The following LEPROT variants were observed in gnomAD, a reference collection of about 807,000 sequenced individuals.
The protein encoded by LEPROT is leptin receptor gene-related protein.
Under a neutral mutation model 15.4 loss-of-function variants are expected in LEPROT, and 3 were observed. That is an observed-to-expected ratio of 0.19 (90% CI 0.09 to 0.50). The LOEUF is 0.50. Among genes scored for constraint, LEPROT ranks in the 20% least tolerant of loss-of-function variants. The pLI, the probability that LEPROT is intolerant of heterozygous loss-of-function variation, is 0.97. For missense variants in LEPROT, 137 were observed against 162.2 expected (o/e 0.84, Z 0.84); for synonymous variants, 59 against 57.5 (o/e 1.03, Z -0.12).
At position 65,434,893 on chromosome 1, in the gene LEPROT, AG is replaced by A; in HGVS notation, c.*2975del. 8.1e-6 allele frequency: 8 copies of A among 985,494 alleles called. No individual in the cohort carries two copies. Among genetic ancestry groups the A allele is most frequent in the Non-Finnish European group, 9.6e-6 (8 of 829,930 alleles). 61.0% of individuals were successfully genotyped at this position (985,494 alleles called of 1,614,324 possible). ...TGATGTCATGTGGTGCTGAGAAGAA[AG>A]CAGATCACACTTCATCACAGAAAGA... On this transcript the variant is annotated 3_prime_UTR_variant, in exon 4 of 4. Transcript: ENST00000371065.
At chr1:65,423,300 AAG>A (rs1164870118) in intron 1 of LEPROT, among the ~76,000 whole-genome samples, 1 of 152,202 alleles carries the variant, frequency 6.6e-6, no homozygotes, top group African/African-American at 2.4e-5. Flanking sequence ...GTGGAGTGAA[AAG>A]AGAGATGGGG....
intron 2 of LEPROT, chr1:65,427,803 AT>A (rs772450093): frequency 5.8e-5 from 24 of 415,948 alleles, no homozygotes; most frequent in Middle Eastern, 4.4e-4. Context: ...CACCCAGCTG[AT>A]TTTTTTTAGA....
At chr1:65,421,387 C>A (rs1189921341) in intron 1 of LEPROT, 2 of 1,535,946 alleles carry the variant, frequency 1.3e-6, no homozygotes, top group Non-Finnish European at 1.7e-6. Context: ...GTAAAAACAC[C>A]GCGTCCCTTA....
chr1:65,422,970 C>A (rs1449264652), intron 1 of LEPROT, among the ~76,000 whole-genome samples: 1 of 152,174 alleles, frequency 6.6e-6, no homozygotes, highest in African/African-American at 2.4e-5. Context: ...GGGCCTGCAC[C>A]AGGGCTGTAG....
At chr1:65,425,453 C>G in intron 2 of LEPROT, 75 bp downstream of exon 2, 1 of 1,314,452 alleles carries the variant, frequency 7.6e-7, no homozygotes, top group Non-Finnish European at 1.0e-6. Flanking sequence ...TTAGAGAGTT[C>G]GGTCAATTTA....
At chr1:65,428,831 A>AT (rs967388915) in intron 2 of LEPROT, among the ~76,000 whole-genome samples, 21 of 150,102 alleles carry the variant, frequency 1.4e-4, no homozygotes, top group African/African-American at 2.9e-4. Context: ...CCAGATGGCA[A>AT]TTTTTTTTTT....
Position 65,434,098 on chromosome 1 carries a change from C to G in LEPROT, c.*2179C>G. 1.0e-6 allele frequency: 1 copy of G among 984,878 alleles called. No homozygotes were observed. Among genetic ancestry groups the G allele is most frequent in the Non-Finnish European group, 1.2e-6 (1 of 829,484 alleles). 61.0% of individuals were successfully genotyped at this position (984,878 alleles called of 1,614,324 possible). On this transcript the variant is annotated 3_prime_UTR_variant, in exon 4 of 4. Transcript: ENST00000371065. ...CATATGTAGCCTTAAAGCATTACCT[C>G]TTGATTGTATCTTTAGATTGATATA...
intron 3 of LEPROT, among the ~76,000 whole-genome samples, chr1:65,431,001 G>A (rs1414261441): frequency 6.6e-6 from 1 of 152,138 alleles, no homozygotes; most frequent in Non-Finnish European, 1.5e-5. Flanking sequence ...ATCCAGTGTG[G>A]TAGAGCTAAA....
Position 65,432,642 on chromosome 1 carries a change from G to A in LEPROT, c.*723G>A. ...TGTTCAAGCCTATAATATTTAGGCA[G>A]TTCCTCAAATTTATGAAAAGTGTTC... On this transcript the variant is annotated 3_prime_UTR_variant, in exon 4 of 4. Coordinates refer to ENST00000371065, the MANE Select transcript of LEPROT (RefSeq NM_017526.5). 5.1e-6 allele frequency: 5 copies of A among 984,848 alleles called. No homozygotes were observed. Among genetic ancestry groups the A allele is most frequent in the Non-Finnish European group, 6.0e-6 (5 of 829,574 alleles). 61.0% of individuals were successfully genotyped at this position (984,848 alleles called of 1,614,324 possible). A position where few individuals can be genotyped will look rare whatever the true frequency, so the allele number is the denominator to read the frequency against.
In LEPROT at chr1:65,435,821, T is replaced by C. The variant is rs528609292; in HGVS notation, c.*3902T>C. 6.6e-5 allele frequency: 65 copies of C among 983,196 alleles called. No individual in the cohort carries two copies. Among genetic ancestry groups the C allele is most frequent in the Middle Eastern group, 5.2e-4 (1 of 1,912 alleles). The allele number at this position is 983,196 out of a possible 1,614,324, so 60.9% of individuals were successfully genotyped here. A position where few individuals can be genotyped will look rare whatever the true frequency, so the allele number is the denominator to read the frequency against. ...GATAAATATTAGTTGTGCATTTTAA[T>C]TTAATTCTCCTTTTTCCATTTTGTC... On this transcript the variant is annotated 3_prime_UTR_variant, in exon 4 of 4. Coordinates refer to ENST00000371065, the MANE Select transcript of LEPROT (RefSeq NM_017526.5).
chr1:65,421,078 C>G (rs1646239740), intron 1 of LEPROT, among the ~76,000 whole-genome samples: 1 of 152,230 alleles, frequency 6.6e-6, no homozygotes, highest in Admixed American at 6.5e-5. Context: ...GCCACCCTAA[C>G]GCCTTTCTTC....
chr1:65,427,448 G>T (rs1444055489), intron 2 of LEPROT, among the ~76,000 whole-genome samples: 2 of 152,142 alleles, frequency 1.3e-5, no homozygotes, highest in African/African-American at 4.8e-5. Flanking sequence ...CCTGTAGCAG[G>T]GTTGGGAGGC....
At chr1:65,431,086 G>T (rs1442549456) in intron 3 of LEPROT, among the ~76,000 whole-genome samples, 1 of 152,184 alleles carries the variant, frequency 6.6e-6, no homozygotes. Context: ...ATGCCAGTTT[G>T]ATCTTTGTCT....
chr1:65,430,736 C>A (rs1266380504), intron 3 of LEPROT, among the ~76,000 whole-genome samples: 1 of 152,092 alleles, frequency 6.6e-6, no homozygotes, highest in Non-Finnish European at 1.5e-5. Context: ...TTGTAAAACA[C>A]CAGAAATAAG....
In LEPROT at chr1:65,435,375, T is replaced by C. The variant is rs1035853092; in HGVS notation, c.*3456T>C. On this transcript the variant is annotated 3_prime_UTR_variant, in exon 4 of 4. Coordinates refer to ENST00000371065, the MANE Select transcript of LEPROT (RefSeq NM_017526.5). ...ATGTGCCTTTTCTTTTCTTTTTTTT[T>C]TTTTTTTTTTGAGGCAGAGTCTCGC... 421 of 948,582 alleles carry C rather than the reference T, an allele frequency of 4.4e-4. 1 individual carries two copies. The highest frequency in any genetic ancestry group is 5.1e-4 in the Admixed American group (8 of 15,828). The allele number at this position is 948,582 out of a possible 1,614,324, so 58.8% of individuals were successfully genotyped here.
intron 2 of LEPROT, 97 bp from the exon 3 acceptor site, chr1:65,429,765 A>T (rs1038779629): frequency 1.3e-5 from 14 of 1,104,616 alleles, no homozygotes; most frequent in South Asian, 2.4e-5. Flanking sequence ...TGACCTAAAC[A>T]TTTAAAATAG....
chr1:65,431,395 T>G (rs1345315011), intron 3 of LEPROT, among the ~76,000 whole-genome samples: 1 of 152,234 alleles, frequency 6.6e-6, no homozygotes, highest in Non-Finnish European at 1.5e-5. Flanking sequence ...TTATTTAAAG[T>G]CTTTTCTTGC....
chr1:65,423,527 A>C (rs901387460), intron 1 of LEPROT, among the ~76,000 whole-genome samples: 2 of 152,298 alleles, frequency 1.3e-5, no homozygotes, highest in African/African-American at 4.8e-5. Flanking sequence ...GGAGAGGAGC[A>C]AAGCCTGCTG....
rs1403282427 is a variant in LEPROT at position 65,433,416 on chromosome 1, G to T, written c.*1497G>T. The T allele has an allele frequency of 7.1e-6, 7 of 985,198 alleles. No individual in the cohort carries two copies. In the African/African-American group the frequency reaches 1.0e-4, roughly 15 times the overall value. 61.0% of individuals were successfully genotyped at this position (985,198 alleles called of 1,614,324 possible). ...CACAGTTTTCCCTGCTCACCTTTTTGTCTAAGATCTATTGAGAAAGGGAAA... is the reference window on the plus strand; with the variant it reads ...CACAGTTTTCCCTGCTCACCTTTTTTTCTAAGATCTATTGAGAAAGGGAAA... On this transcript the variant is annotated 3_prime_UTR_variant, in exon 4 of 4. Transcript: ENST00000371065.
Sources: allele counts gnomAD v4.1 joint callset (sites outside exome capture counted in the v4.1 genomes callset), GRCh38; gene constraint gnomAD v4.1.1; transcripts MANE v1.5; gene names NCBI Gene and HGNC (gene_info 2026-07-23, HGNC 2026-07-21).